Variants in SNX25 observed in about 807,000 individuals in gnomAD.
SNX25 encodes sorting nexin-25.
SNX25 carries 62 observed loss-of-function variants against 113.7 expected under a neutral mutation model. The observed-to-expected ratio is 0.55, with a 90% CI of 0.44 to 0.67. The LOEUF is 0.67. SNX25 is among the 30% of genes least tolerant of loss of function. SNX25 has a pLI of 0.00. For missense variants in SNX25, 1,014 were observed against 1,161.0 expected (o/e 0.87, Z 1.84); for synonymous variants, 421 against 436.2 (o/e 0.97, Z 0.43).
chr4:185,275,028 A>T (rs1240312282), intron 5 of SNX25, among the ~76,000 whole-genome samples: 2 of 152,174 alleles, frequency 1.3e-5, no homozygotes, highest in African/African-American at 4.8e-5. Context: ...ACTGTTTGTG[A>T]GTCTCGGCTG....
At chr4:185,238,049 C>T (rs182690931) in intron 1 of SNX25, among the ~76,000 whole-genome samples, 10 of 117,324 alleles carry the variant, frequency 8.5e-5, no homozygotes, top group East Asian at 7.8e-4. Flanking sequence ...GGCTACAGAG[C>T]GAGACTCCAT....
intron 1 of SNX25, among the ~76,000 whole-genome samples, chr4:185,224,687 G>A (rs542835395): frequency 6.7e-6 from 1 of 148,386 alleles, no homozygotes; most frequent in East Asian, 2.0e-4. Flanking sequence ...AAATAATTAT[G>A]AATTCATGGG....
At chr4:185,370,530 CT>C, downstream of SNX25, 1 of 1,104,732 alleles carries the variant, frequency 9.1e-7, no homozygotes, top group Non-Finnish European at 1.3e-6. Context: ...CAGAGGTTAT[CT>C]GCACAGTAAT....
At chr4:185,223,010 C>A (rs1438616880) in intron 1 of SNX25, among the ~76,000 whole-genome samples, 1 of 152,108 alleles carries the variant, frequency 6.6e-6, no homozygotes, top group African/African-American at 2.4e-5. Flanking sequence ...TTTTTACAAA[C>A]CTTTTTATTA....
At chr4:185,240,015 T>G (rs892660713) in intron 1 of SNX25, among the ~76,000 whole-genome samples, 16 of 151,010 alleles carry the variant, frequency 1.1e-4, no homozygotes, top group African/African-American at 3.9e-4. Context: ...AAGCACATCT[T>G]GCACCACCCT....
chr4:185,355,391 A>G (rs142327824), intron 15 of SNX25, among the ~76,000 whole-genome samples: 74 of 152,368 alleles, frequency 4.9e-4, no homozygotes, highest in Middle Eastern at 3.4e-3. Flanking sequence ...TTGAGAGCAT[A>G]TGTTTTAGAT....
chr4:185,307,586 A>G (rs1300361970), intron 6 of SNX25, among the ~76,000 whole-genome samples: 1 of 152,054 alleles, frequency 6.6e-6, no homozygotes, highest in Admixed American at 6.6e-5. Flanking sequence ...CTTGGACAAA[A>G]CTGAATCCAT....
intron 6 of SNX25, among the ~76,000 whole-genome samples, chr4:185,306,577 G>A (rs751394692): frequency 1.3e-5 from 2 of 152,182 alleles, no homozygotes; most frequent in Non-Finnish European, 2.9e-5. Context: ...GTAAATGGGT[G>A]TCAGTTTTCT....
At chr4:185,259,146 T>C (rs1746879338) in intron 3 of SNX25, 82 bp downstream of exon 3, 1 of 1,210,198 alleles carries the variant, frequency 8.3e-7, no homozygotes, top group Non-Finnish European at 1.2e-6. Context: ...GATAAAACTC[T>C]AGAATATTCT....
downstream of SNX25, chr4:185,370,524 G>A (rs928853299): frequency 2.0e-6 from 2 of 1,020,170 alleles, no homozygotes; most frequent in Non-Finnish European, 2.9e-6. Flanking sequence ...TGTAGACAGA[G>A]GTTATCTGCA....
In SNX25 at chr4:185,240,035, C is replaced by T. The variant is rs370096472; in HGVS notation, c.430-7259C>T. Among the ~76,000 whole-genome samples, 1,149 of 148,258 alleles carry T rather than the reference C, an allele frequency of 7.7e-3. 14 individuals carry two copies. The highest frequency in any genetic ancestry group is 0.026 in the Middle Eastern group (7 of 266). On this transcript the variant is annotated intron_variant, in intron 1 of 18. Transcript: ENST00000652585. Reference sequence around the variant, plus strand: ...CATCTTGCACCACCCTTAATCCATTCAACCCTGAGTGGACACAGCACATGT... The same window carrying T: ...CATCTTGCACCACCCTTAATCCATTTAACCCTGAGTGGACACAGCACATGT...
chr4:185,371,886 G>A (rs535692026), downstream of SNX25, among the ~76,000 whole-genome samples: 2 of 152,008 alleles, frequency 1.3e-5, no homozygotes, highest in African/African-American at 2.4e-5. Context: ...GCTCGGAGAG[G>A]GGGGAGACCT....
chr4:185,204,892 A>T (rs1560881453), upstream of SNX25, among the ~76,000 whole-genome samples: 1 of 152,220 alleles, frequency 6.6e-6, no homozygotes, highest in East Asian at 1.9e-4. Flanking sequence ...TTGATTTTAG[A>T]CTTAATACCT....
At chr4:185,306,603 CT>C (rs1754510182) in intron 6 of SNX25, among the ~76,000 whole-genome samples, 1 of 152,142 alleles carries the variant, frequency 6.6e-6, no homozygotes, top group Admixed American at 6.5e-5. Flanking sequence ...ATTTCTCTCT[CT>C]TTATTAACAT....
exon 1 of SNX25, chr4:185,204,255 G>A (rs12506359): frequency 0.46 from 69,727 of 152,142 alleles, 16,543 homozygotes; most frequent in East Asian, 0.58. Flanking sequence ...GGCTGCCTAG[G>A]GCGGCGCGGG....
chr4:185,255,279 G>A (rs11132297), intron 2 of SNX25, among the ~76,000 whole-genome samples: 51,540 of 151,668 alleles, frequency 0.34, 10,616 homozygotes, highest in East Asian at 0.56. Flanking sequence ...GATTACAGGC[G>A]CCTGCCACCA....
intron 5 of SNX25, among the ~76,000 whole-genome samples, chr4:185,269,533 A>T (rs528669246): frequency 1.1e-4 from 17 of 152,180 alleles, no homozygotes; most frequent in Non-Finnish European, 1.9e-4. Context: ...GCAGGTGTGG[A>T]CTATTTGGTA....
intron 1 of SNX25, among the ~76,000 whole-genome samples, chr4:185,238,417 TTC>T (rs766390238): frequency 6.6e-6 from 1 of 152,122 alleles, no homozygotes; most frequent in Non-Finnish European, 1.5e-5. Flanking sequence ...CCTTTGAAGT[TTC>T]TTAGTCCCTT....
chr4:185,332,472 T>A, intron 9 of SNX25, 123 bp from the exon 10 acceptor site: 3 of 951,978 alleles, frequency 3.2e-6, no homozygotes, highest in Non-Finnish European at 2.8e-6. Flanking sequence ...GCAGTCTAAA[T>A]TTTCTACTTT....
Sources: gnomAD v4.1 joint callset for allele counts (sites outside exome capture counted in the v4.1 genomes callset) on GRCh38, gnomAD v4.1.1 for gene constraint, MANE v1.5 for transcripts, NCBI Gene and HGNC (gene_info 2026-07-23, HGNC 2026-07-21) for gene names.